ZNF568: variants seen among roughly 807,000 people sequenced by gnomAD.
ZNF568 encodes p53 inhibitor of SCO2 activation.
Under a neutral mutation model 18.1 loss-of-function variants are expected in ZNF568, and 11 were observed. That is an observed-to-expected ratio of 0.61 (90% CI 0.38 to 1.00). The LOEUF (loss-of-function observed/expected upper bound fraction) is 1.00, where lower values mean the gene tolerates loss of function less well. ZNF568 is among the 50% of genes least tolerant of loss of function. The pLI is 0.01. For missense variants in ZNF568, 639 were observed against 768.2 expected (o/e 0.83, Z 1.99); for synonymous variants, 213 against 246.6 (o/e 0.86, Z 1.28).
At chr19:36,979,215 T>A (rs1600849811) in exon 8 of ZNF568, 2 of 185,408 alleles carry the variant, frequency 1.1e-5, no homozygotes, top group East Asian at 3.6e-4. Flanking sequence ...ACTCCCGACC[T>A]CAGGTGATCC....
At chr19:36,937,290 G>A (rs754361295) in intron 6 of ZNF568, 48 bp downstream of exon 6, 1 of 1,494,946 alleles carries the variant, frequency 6.7e-7, no homozygotes, top group Non-Finnish European at 9.3e-7. Context: ...CATGAGAGTT[G>A]TTCAGTGAAG....
At chr19:36,919,471 A>G (rs919375843) in intron 2 of ZNF568, among the ~76,000 whole-genome samples, 2 of 152,114 alleles carry the variant, frequency 1.3e-5, no homozygotes, top group African/African-American at 4.8e-5. Context: ...TTCAGGATGA[A>G]ACTGTTGTCC....
intron 2 of ZNF568, chr19:36,991,059 A>G: frequency 6.4e-6 from 7 of 1,087,032 alleles, no homozygotes; most frequent in African/African-American, 1.6e-5. Flanking sequence ...AGGAGCCAGT[A>G]TGGCCTGTTT....
chr19:36,970,915 G>C (rs2074230707), intron 6 of ZNF568, among the ~76,000 whole-genome samples: 1 of 152,014 alleles, frequency 6.6e-6, no homozygotes, highest in Non-Finnish European at 1.5e-5. Flanking sequence ...CCTCTACCAT[G>C]GTTATAGAGT....
Position 36,950,927 on chromosome 19 carries a change from G to T in ZNF568, c.1774G>T (p.Gly592Trp), listed in dbSNP as rs1225661251. 1 of 1,613,656 alleles carries T rather than the reference G, an allele frequency of 6.2e-7. No homozygotes were observed. Among genetic ancestry groups the T allele is most frequent in the Non-Finnish European group, 8.5e-7 (1 of 1,179,874 alleles). The stretch of plus-strand genomic sequence containing the variant: ...GAAACCCTATGAATGTAATAAATGT[G>T]GGAAAGCCTTTTCTCAGTGCTCATT... ...GEKPYECNKC[G>W]KAFSQCSLLI... Residue 592 changes from glycine to tryptophan, a missense_variant, in exon 7 of 7, where the codon GGG (glycine) becomes TGG (tryptophan). By Grantham distance (184) the Gly-to-Trp change is radical. Transcript: ENST00000333987.
chr19:36,955,745 T>A (rs1179160840), downstream of ZNF568, among the ~76,000 whole-genome samples: 1 of 152,062 alleles, frequency 6.6e-6, no homozygotes, highest in Admixed American at 6.5e-5. Flanking sequence ...TGGCTTGGAC[T>A]AGACACAGCA....
chr19:36,968,253 A>C (rs924570484), intron 6 of ZNF568, among the ~76,000 whole-genome samples: 9 of 152,150 alleles, frequency 5.9e-5, no homozygotes, highest in African/African-American at 2.2e-4. Context: ...ATTAATTTAC[A>C]TGAAAATGTA....
At chr19:36,962,552 G>T (rs1464367829) in intron 6 of ZNF568, among the ~76,000 whole-genome samples, 1 of 151,744 alleles carries the variant, frequency 6.6e-6, no homozygotes, top group African/African-American at 2.4e-5. Flanking sequence ...TGTTGGCCAG[G>T]CTATTCTCAA....
chr19:36,961,411 C>A (rs1201196440), intron 6 of ZNF568, among the ~76,000 whole-genome samples: 1 of 151,084 alleles, frequency 6.6e-6, no homozygotes. Context: ...CTATATGTGT[C>A]ATTACCAGTA....
At chr19:36,917,051 C>T in intron 1 of ZNF568, among the ~76,000 whole-genome samples, 1 of 152,036 alleles carries the variant, frequency 6.6e-6, no homozygotes, top group South Asian at 2.1e-4. Flanking sequence ...TTAGCTATTG[C>T]CATGATAATA....
chr19:36,926,376 T>C (rs142241319), intron 4 of ZNF568, among the ~76,000 whole-genome samples: 1,531 of 152,322 alleles, frequency 0.01, 20 homozygotes, highest in South Asian at 0.044. Context: ...GACCATATGA[T>C]CATATGGCTC....
intron 6 of ZNF568, among the ~76,000 whole-genome samples, chr19:36,972,405 C>A (rs900337612): frequency 5.3e-5 from 8 of 152,152 alleles, no homozygotes; most frequent in African/African-American, 1.9e-4. Context: ...ACCCAACTAT[C>A]CCTCATCCTT....
intron 3 of ZNF568, among the ~76,000 whole-genome samples, chr19:36,924,675 A>G (rs1479132814): frequency 3.3e-5 from 5 of 151,066 alleles, no homozygotes; most frequent in Non-Finnish European, 5.9e-5. Context: ...CTAAAAATAC[A>G]AAAAAGTTAG....
downstream of ZNF568, among the ~76,000 whole-genome samples, chr19:36,983,964 T>C (rs983933674): frequency 2.8e-5 from 4 of 144,926 alleles, no homozygotes; most frequent in Non-Finnish European, 4.5e-5. Flanking sequence ...AGTGGTGCGA[T>C]CCCGGCTCAC....
chr19:36,960,728 CAA>C (rs66625773), intron 6 of ZNF568, among the ~76,000 whole-genome samples: 14 of 139,780 alleles, frequency 1.0e-4, no homozygotes, highest in South Asian at 2.2e-4. Context: ...AACTCCATCT[CAA>C]AAAAAAAAAA....
intron 6 of ZNF568, among the ~76,000 whole-genome samples, chr19:36,966,216 G>A (rs900293582): frequency 5.9e-5 from 9 of 152,092 alleles, no homozygotes; most frequent in Admixed American, 1.3e-4. Context: ...AACTGGGGAG[G>A]TGGAGGTTGC....
intron 6 of ZNF568, among the ~76,000 whole-genome samples, chr19:36,959,577 G>A (rs76866408): frequency 0.014 from 2,076 of 152,174 alleles, 18 homozygotes; most frequent in Middle Eastern, 0.038. Context: ...ATAGTTTCAG[G>A]AGAATTGGTA....
intron 4 of ZNF568, among the ~76,000 whole-genome samples, chr19:36,927,903 A>ATTTTTTT (rs71177414): frequency 4.9e-4 from 13 of 26,582 alleles, no homozygotes; most frequent in African/African-American, 2.0e-3. Context: ...ATATATATAT[A>ATTTTTTT]TTTTTTTTTT....
At chr19:36,954,910 C>G (rs1489602734), downstream of ZNF568, among the ~76,000 whole-genome samples, 1 of 150,776 alleles carries the variant, frequency 6.6e-6, no homozygotes, top group Non-Finnish European at 1.5e-5. Flanking sequence ...GAGGGGGTCT[C>G]CCTCTGTTGC....
Sources: gnomAD v4.1 joint callset for allele counts (sites outside exome capture counted in the v4.1 genomes callset) on GRCh38, gnomAD v4.1.1 for gene constraint, MANE v1.5 for transcripts, NCBI Gene and HGNC (gene_info 2026-07-23, HGNC 2026-07-21) for gene names.